SP4: variants seen among roughly 807,000 people sequenced by gnomAD.
SP4 encodes Sp4 transcription factor, also known as transcription factor Sp4.
A neutral mutation model predicts 72.8 loss-of-function variants in SP4; 19 were observed. That is an observed-to-expected ratio of 0.26 (90% confidence interval 0.18 to 0.38). The LOEUF (loss-of-function observed/expected upper bound fraction) is 0.38. SP4 is among the 10% of genes least tolerant of loss of function. The pLI is 1.00. For synonymous variants in SP4, 395 were observed against 333.1 expected (o/e 1.19, Z -2.02); for missense variants, 1,008 against 926.3 (o/e 1.09, Z -1.14).
At chr7:21,484,371 T>G (rs1365135450) in intron 5 of SP4, among the ~76,000 whole-genome samples, 2 of 151,906 alleles carry the variant, frequency 1.3e-5, no homozygotes, top group East Asian at 1.9e-4. Context: ...AGTACTTATG[T>G]GTGGAATTTT....
chr7:21,463,015 G>A (rs1166131988), intron 3 of SP4, among the ~76,000 whole-genome samples: 1 of 151,636 alleles, frequency 6.6e-6, no homozygotes, highest in Non-Finnish European at 1.5e-5. Context: ...TACATTTAAA[G>A]TGCTAATTAC....
At position 21,513,930 on chromosome 7, in the gene SP4, G is replaced by C. The variant is rs1782206988; in HGVS notation, c.*2661G>C. 1 of 152,478 alleles carries C rather than the reference G, an allele frequency of 6.6e-6. No homozygotes were observed. Among genetic ancestry groups the C allele is most frequent in the Non-Finnish European group, 1.5e-5 (1 of 68,012 alleles). 9.4% of individuals were successfully genotyped at this position (152,478 alleles called of 1,614,324 possible). The stretch of plus-strand genomic sequence containing the variant: ...GTCTTTAGAAGAATCGTAAATTTCA[G>C]TGTCCTTTATTTGACTCAGTGGGAT... On this transcript the variant is annotated 3_prime_UTR_variant, in exon 6 of 6. Transcript: ENST00000222584.
At chr7:21,457,623 A>G (rs537001075) in intron 3 of SP4, among the ~76,000 whole-genome samples, 1 of 152,322 alleles carries the variant, frequency 6.6e-6, no homozygotes, top group East Asian at 1.9e-4. Context: ...TTGATAATTA[A>G]CAGACCATTG....
chr7:21,450,889 G>A (rs1361257015), intron 3 of SP4, among the ~76,000 whole-genome samples: 1 of 152,150 alleles, frequency 6.6e-6, no homozygotes, highest in Non-Finnish European at 1.5e-5. Context: ...AGGAGTGAAA[G>A]TTTATTAAAA....
At chr7:21,457,262 G>C (rs1474505688) in intron 3 of SP4, among the ~76,000 whole-genome samples, 1 of 151,982 alleles carries the variant, frequency 6.6e-6, no homozygotes, top group East Asian at 1.9e-4. Context: ...TCTTATACTT[G>C]GTCTAGCATG....
Position 21,431,988 on chromosome 7 carries a change from C to T in SP4, c.1678+1145C>T, listed in dbSNP as rs77489430. ...ATAAAGCCTTCTGATTCAGGAGAAC[C>T]GAGATTATATTTTTTATCTAGATAC... On this transcript the variant is annotated intron_variant, in intron 3 of 5. Coordinates refer to ENST00000222584, the MANE Select transcript of SP4 (RefSeq NM_003112.5). Among the ~76,000 whole-genome samples, 1,420 of 152,120 alleles carry T rather than the reference C, an allele frequency of 9.3e-3. 28 individuals carry two copies. Among genetic ancestry groups the T allele is most frequent in the African/African-American group, 0.033 (1,356 of 41,480 alleles).
intron 5 of SP4, among the ~76,000 whole-genome samples, chr7:21,507,209 TCAATA>T (rs939555369): frequency 1.3e-5 from 2 of 152,228 alleles, no homozygotes; most frequent in Admixed American, 6.5e-5. Flanking sequence ...ATTCCTAATT[TCAATA>T]CTTGCAAGAG....
At chr7:21,473,867 T>C (rs1045622722) in intron 3 of SP4, among the ~76,000 whole-genome samples, 1 of 152,098 alleles carries the variant, frequency 6.6e-6, no homozygotes, top group African/African-American at 2.4e-5. Context: ...CTCTGAGAAG[T>C]CAATAGAATT....
chr7:21,429,774 TAATC>T lies in SP4; in HGVS notation c.612_615del (p.Asn204LysfsTer50), dbSNP rs780039778. On this transcript the variant is annotated frameshift_variant, in exon 3 of 6. Transcript: ENST00000222584. LOFTEE classifies it high-confidence loss of function. The stretch of plus-strand genomic sequence containing the variant: ...AAATTCAGCTCATTTCTGCAGGTAA[TAATC>T]AAGCTATACTCACAGCTGCTAACAG... 3 of 1,614,142 alleles carry T rather than the reference TAATC, an allele frequency of 1.9e-6. No homozygotes were observed. Among genetic ancestry groups the T allele is most frequent in the Admixed American group, 1.7e-5 (1 of 60,022 alleles).
intron 4 of SP4, among the ~76,000 whole-genome samples, chr7:21,477,795 C>G (rs907805884): frequency 1.3e-5 from 2 of 152,144 alleles, no homozygotes; most frequent in Non-Finnish European, 2.9e-5. Context: ...CCCACCTCAG[C>G]CCCCCAAGTG....
chr7:21,460,606 C>G (rs1477816052), intron 3 of SP4, among the ~76,000 whole-genome samples: 6 of 152,152 alleles, frequency 3.9e-5, no homozygotes. Flanking sequence ...CTTATCTGGC[C>G]CCACCCACAT....
intron 5 of SP4, among the ~76,000 whole-genome samples, chr7:21,484,226 A>AT (rs1311060839): frequency 6.6e-6 from 1 of 151,802 alleles, no homozygotes; most frequent in Non-Finnish European, 1.5e-5. Context: ...TAGATTTCGG[A>AT]TTTTTTCAGA....
chr7:21,464,686 A>G (rs1784113459), intron 3 of SP4, among the ~76,000 whole-genome samples: 2 of 151,378 alleles, frequency 1.3e-5, no homozygotes, highest in African/African-American at 4.9e-5. Context: ...AGTAGCTGGG[A>G]CCACAGGTGT....
At chr7:21,501,476 A>G (rs570761179) in intron 5 of SP4, among the ~76,000 whole-genome samples, 2 of 152,056 alleles carry the variant, frequency 1.3e-5, no homozygotes, top group Non-Finnish European at 2.9e-5. Context: ...GTACCAGGTT[A>G]TTTTGCTGGT....
intron 3 of SP4, among the ~76,000 whole-genome samples, chr7:21,468,656 TC>T (rs1302213293): frequency 6.6e-6 from 1 of 152,052 alleles, no homozygotes; most frequent in Admixed American, 6.5e-5. Context: ...TCTATAGTTT[TC>T]TAAGTAATAT....
intron 3 of SP4, among the ~76,000 whole-genome samples, chr7:21,431,738 C>T (rs184556914): frequency 1.1e-3 from 173 of 152,194 alleles, no homozygotes; most frequent in Middle Eastern, 3.4e-3. Context: ...TAATTAAACC[C>T]TTTTCATTGA....
Position 21,430,533 on chromosome 7 carries a change from C to T in SP4, c.1368C>T (p.Ile456=). Residue 456 remains isoleucine (I), a synonymous_variant, in exon 3 of 6, where the codon ATC becomes ATT. Transcript: ENST00000222584. Reference sequence around the variant, plus strand: ...CAGTAAATCCGACTCAGGTGCTTATCAGGGCTCCAACTTTAACACCTTCAG... The same window carrying T: ...CAGTAAATCCGACTCAGGTGCTTATTAGGGCTCCAACTTTAACACCTTCAG... ...LQAVNPTQVL[I]RAPTLTPSGQ... The T allele has an allele frequency of 1.2e-6, 2 of 1,614,174 alleles. No individual in the cohort carries two copies. Among genetic ancestry groups the T allele is most frequent in the South Asian group, 2.2e-5 (2 of 91,084 alleles).
intron 5 of SP4, among the ~76,000 whole-genome samples, chr7:21,502,869 A>G (rs1358578117): frequency 6.6e-6 from 1 of 152,128 alleles, no homozygotes; most frequent in African/African-American, 2.4e-5. Flanking sequence ...CCATATAACC[A>G]AGAGTCTTCC....
chr7:21,491,132 T>C (rs903974794), intron 5 of SP4, among the ~76,000 whole-genome samples: 3 of 152,172 alleles, frequency 2.0e-5, no homozygotes, highest in African/African-American at 7.2e-5. Flanking sequence ...AAGCAGCTCT[T>C]ATAGCCATGA....
Sources: gnomAD v4.1 joint callset for allele counts (sites outside exome capture counted in the v4.1 genomes callset) on GRCh38, gnomAD v4.1.1 for gene constraint, MANE v1.5 for transcripts, NCBI Gene and HGNC (gene_info 2026-07-23, HGNC 2026-07-21) for gene names.